Variants in ARMH3 observed in about 807,000 individuals in gnomAD.
The protein encoded by ARMH3 is armadillo-like helical domain-containing protein 3.
In ARMH3, 60 loss-of-function variants were observed where a neutral mutation model predicts 99.1. The observed-to-expected ratio is 0.61, with a 90% CI of 0.49 to 0.75. ARMH3 has a LOEUF of 0.75. Ranked by LOEUF, ARMH3 falls within the 30% of genes least tolerant of loss-of-function variation. The pLI, the probability that ARMH3 is intolerant of heterozygous loss-of-function variation, is 0.00. For synonymous variants in ARMH3, 285 were observed against 292.8 expected, an observed-to-expected ratio of 0.97 and a Z score of 0.27; for missense variants, 679 against 843.1, an observed-to-expected ratio of 0.81 and a Z score of 2.41.
chr10:101,995,808 A>T (rs942416796), intron 15 of ARMH3, among the ~76,000 whole-genome samples: 2 of 152,234 alleles, frequency 1.3e-5, no homozygotes, highest in Non-Finnish European at 2.9e-5. Flanking sequence ...AATCAAAAAG[A>T]AATTAACTGG....
intron 24 of ARMH3, among the ~76,000 whole-genome samples, chr10:101,856,299 T>A (rs564960948): frequency 6.6e-6 from 1 of 152,254 alleles, no homozygotes; most frequent in Non-Finnish European, 1.5e-5. Context: ...CAGCAATATC[T>A]GATTTTGGCT....
chr10:101,865,141 G>A (rs1403535200), intron 24 of ARMH3, among the ~76,000 whole-genome samples: 9 of 151,342 alleles, frequency 5.9e-5, no homozygotes, highest in East Asian at 1.9e-4. Flanking sequence ...GCATGAACCC[G>A]GGAGGCAGAG....
intron 20 of ARMH3, among the ~76,000 whole-genome samples, chr10:101,958,659 C>T (rs1340733040): frequency 6.6e-6 from 1 of 152,100 alleles, no homozygotes; most frequent in Non-Finnish European, 1.5e-5. Flanking sequence ...CACAAACCCC[C>T]ACCTTCCACA....
intron 23 of ARMH3, among the ~76,000 whole-genome samples, chr10:101,931,315 T>C (rs1178472162): frequency 6.6e-6 from 1 of 152,108 alleles, no homozygotes; most frequent in Non-Finnish European, 1.5e-5. Flanking sequence ...TGAGGGTCAG[T>C]AGTTCAAGAC....
At chr10:101,888,197 T>C (rs1004411724) in intron 24 of ARMH3, among the ~76,000 whole-genome samples, 1 of 152,004 alleles carries the variant, frequency 6.6e-6, no homozygotes, top group South Asian at 2.1e-4. Flanking sequence ...GTAAAATTAA[T>C]GTGAACTAGT....
At chr10:102,050,966 C>T (rs967049420) in intron 1 of ARMH3, among the ~76,000 whole-genome samples, 2 of 151,114 alleles carry the variant, frequency 1.3e-5, no homozygotes, top group Non-Finnish European at 2.9e-5. Context: ...CTGTCCTGGC[C>T]AACATGGTGA....
At chr10:101,937,805 G>T (rs1320358499) in intron 23 of ARMH3, among the ~76,000 whole-genome samples, 3 of 152,090 alleles carry the variant, frequency 2.0e-5, no homozygotes, top group African/African-American at 7.2e-5. Flanking sequence ...ATTTTTCCCT[G>T]ATCTGGCCTT....
intron 22 of ARMH3, 50 bp downstream of exon 22, chr10:101,956,547 A>C: frequency 6.3e-7 from 1 of 1,595,528 alleles, no homozygotes; most frequent in Non-Finnish European, 8.6e-7. Flanking sequence ...CTTATATGCC[A>C]AAAGCTAGAC....
At chr10:101,856,217 A>G (rs975341737) in intron 24 of ARMH3, among the ~76,000 whole-genome samples, 5 of 152,152 alleles carry the variant, frequency 3.3e-5, no homozygotes, top group African/African-American at 1.2e-4. Flanking sequence ...CTAGCAGTTG[A>G]ACACCCTGCT....
chr10:102,004,973 G>A (rs1396993757), intron 14 of ARMH3, among the ~76,000 whole-genome samples: 1 of 152,098 alleles, frequency 6.6e-6, no homozygotes, highest in Non-Finnish European at 1.5e-5. Context: ...GGGAGGCCGA[G>A]GCAGGCGGAT....
At chr10:102,031,682 A>G (rs190388655) in intron 4 of ARMH3, among the ~76,000 whole-genome samples, 3 of 152,342 alleles carry the variant, frequency 2.0e-5, no homozygotes, top group African/African-American at 7.2e-5. Flanking sequence ...GTATGTTAGA[A>G]ACTTAAACCC....
At chr10:101,877,381 G>T (rs1012027094) in intron 24 of ARMH3, among the ~76,000 whole-genome samples, 1 of 152,178 alleles carries the variant, frequency 6.6e-6, no homozygotes, top group South Asian at 2.1e-4. Context: ...ATTTTTTTAG[G>T]CTGGGTGCAG....
chr10:101,996,303 G>A (rs1847049993), intron 15 of ARMH3, among the ~76,000 whole-genome samples: 1 of 152,194 alleles, frequency 6.6e-6, no homozygotes, highest in African/African-American at 2.4e-5. Flanking sequence ...ATGGATTAGA[G>A]TGCTGTAGAA....
At chr10:101,992,145 C>T (rs1846827002) in intron 17 of ARMH3, 107 bp from the exon 18 acceptor site, 3 of 922,514 alleles carry the variant, frequency 3.3e-6, no homozygotes, top group Admixed American at 1.9e-5. Context: ...TACAGGGATA[C>T]TTCCTTTTCT....
chr10:101,917,195 C>G (rs914768107), intron 23 of ARMH3, among the ~76,000 whole-genome samples: 1 of 152,204 alleles, frequency 6.6e-6, no homozygotes, highest in Non-Finnish European at 1.5e-5. Context: ...ATCACCACCA[C>G]AGTCAAGATA....
intron 1 of ARMH3, among the ~76,000 whole-genome samples, chr10:102,051,108 T>G (rs1287880158): frequency 6.8e-6 from 1 of 147,242 alleles, no homozygotes; most frequent in Non-Finnish European, 1.5e-5. Flanking sequence ...GAGCAAAGAT[T>G]GTGCCACTTG....
chr10:101,954,012 C>T (rs1031127117), intron 22 of ARMH3, among the ~76,000 whole-genome samples: 9 of 151,908 alleles, frequency 5.9e-5, no homozygotes, highest in African/African-American at 2.2e-4. Context: ...GGCAACATGG[C>T]GAAACCCTGT....
chr10:101,968,550 A>T (rs374748826), intron 20 of ARMH3, among the ~76,000 whole-genome samples: 3 of 152,210 alleles, frequency 2.0e-5, no homozygotes, highest in East Asian at 3.8e-4. Context: ...TTACTTGACA[A>T]AATGCTCATG....
chr10:101,907,590 G>T (rs986648124), intron 23 of ARMH3, among the ~76,000 whole-genome samples: 2 of 152,030 alleles, frequency 1.3e-5, no homozygotes, highest in African/African-American at 4.8e-5. Context: ...CTCCATTTCA[G>T]CCAGGCTGGT....
Sources: gnomAD v4.1 joint callset for allele counts (sites outside exome capture counted in the v4.1 genomes callset) on GRCh38, gnomAD v4.1.1 for gene constraint, MANE v1.5 for transcripts, NCBI Gene and HGNC (gene_info 2026-07-23, HGNC 2026-07-21) for gene names.